SLC9C2: variants seen among roughly 807,000 people sequenced by gnomAD.
The protein encoded by SLC9C2 is sodium/hydrogen exchanger 11.
Under a neutral mutation model 140.2 loss-of-function variants are expected in SLC9C2, and 75 were observed. The observed-to-expected ratio is 0.53, with a 90% CI of 0.44 to 0.65. The LOEUF (loss-of-function observed/expected upper bound fraction) is 0.65. Among genes scored for constraint, SLC9C2 ranks in the 30% least tolerant of loss-of-function variants. The pLI, the probability that SLC9C2 is intolerant of heterozygous loss-of-function variation, is 0.00. For synonymous variants in SLC9C2, 375 were observed against 420.9 expected (o/e 0.89, Z 1.34); for missense variants, 1,074 against 1,331.8 (o/e 0.81, Z 3.01).
At chr1:173,535,701 C>A in intron 15 of SLC9C2, 129 bp downstream of exon 15, 1 of 1,124,620 alleles carries the variant, frequency 8.9e-7, no homozygotes. Flanking sequence ...AAGCAAGCAC[C>A]ACCCAATCAG....
chr1:173,501,034 C>A lies in SLC9C2; in HGVS notation c.*60G>T. Reference sequence around the variant, plus strand: ...GCGAGGAAAGTAGTTTGGTCTTTAACCTGACTCCACACATCATATTTGTAT... The same window carrying A: ...GCGAGGAAAGTAGTTTGGTCTTTAAACTGACTCCACACATCATATTTGTAT... On this transcript the variant is annotated 3_prime_UTR_variant, in exon 28 of 28. Transcript: ENST00000367714. 1 of 1,443,536 alleles carries A rather than the reference C, an allele frequency of 6.9e-7. No individual in the cohort carries two copies. 89.4% of individuals were successfully genotyped at this position (1,443,536 alleles called of 1,614,324 possible).
chr1:173,560,747 G>T (rs1234595677), intron 9 of SLC9C2, among the ~76,000 whole-genome samples: 1 of 152,088 alleles, frequency 6.6e-6, no homozygotes, highest in Non-Finnish European at 1.5e-5. Context: ...AGCTAGCTAT[G>T]AAGCCCCATA....
At chr1:173,567,070 T>G (rs904993981) in intron 9 of SLC9C2, among the ~76,000 whole-genome samples, 2 of 152,124 alleles carry the variant, frequency 1.3e-5, no homozygotes, top group African/African-American at 2.4e-5. Context: ...CTTTTAAGAC[T>G]TGTTTTATGA....
chr1:173,500,891 C>T lies in SLC9C2; in HGVS notation c.*203G>A, dbSNP rs1400829947. On this transcript the variant is annotated 3_prime_UTR_variant, in exon 28 of 28. Coordinates refer to ENST00000367714, the MANE Select transcript of SLC9C2 (RefSeq NM_178527.4). ...TTTTAACATCCCAAATATAATGCAA[C>T]TACTTAAAATTAAGAAGTTTTACAG... 2 of 402,142 alleles carry T rather than the reference C, an allele frequency of 5.0e-6. No individual in the cohort carries two copies. Among genetic ancestry groups the T allele is most frequent in the East Asian group, 9.2e-5 (2 of 21,788 alleles). The allele number at this position is 402,142 out of a possible 1,614,324, so 24.9% of individuals were successfully genotyped here.
intron 4 of SLC9C2, chr1:173,596,814 A>G (rs1311022682): frequency 6.6e-6 from 1 of 152,154 alleles, no homozygotes; most frequent in East Asian, 1.9e-4. Flanking sequence ...TACACATAAA[A>G]TTGATTTAAG....
intron 7 of SLC9C2, among the ~76,000 whole-genome samples, chr1:173,581,635 G>C (rs1016268334): frequency 6.6e-6 from 1 of 152,100 alleles, no homozygotes; most frequent in African/African-American, 2.4e-5. Flanking sequence ...AGTAACCACA[G>C]AGAACAGTGC....
At chr1:173,553,261 T>C (rs1296090114) in intron 11 of SLC9C2, among the ~76,000 whole-genome samples, 1 of 152,260 alleles carries the variant, frequency 6.6e-6, no homozygotes, top group African/African-American at 2.4e-5. Flanking sequence ...CTGGTGAAGA[T>C]GCTGTGAACA....
chr1:173,599,274 G>C (rs992850741), intron 3 of SLC9C2, among the ~76,000 whole-genome samples: 2 of 150,024 alleles, frequency 1.3e-5, no homozygotes, highest in African/African-American at 4.9e-5. Flanking sequence ...ACAGCAAGGA[G>C]GAAGCCAGTG....
intron 8 of SLC9C2, among the ~76,000 whole-genome samples, chr1:173,575,992 T>G (rs1467042333): frequency 6.6e-6 from 1 of 152,212 alleles, no homozygotes; most frequent in Non-Finnish European, 1.5e-5. Flanking sequence ...CATAATTTCA[T>G]AGTAATGCAT....
chr1:173,521,883 TGCA>T (rs1432745622), intron 21 of SLC9C2, among the ~76,000 whole-genome samples: 3 of 54,008 alleles, frequency 5.6e-5, no homozygotes, highest in East Asian at 2.7e-3. Flanking sequence ...CAGGGCGCTA[TGCA>T]AAAAAAAAAA....
intron 9 of SLC9C2, among the ~76,000 whole-genome samples, chr1:173,557,818 T>G (rs1663815269): frequency 6.6e-6 from 1 of 152,186 alleles, no homozygotes; most frequent in Non-Finnish European, 1.5e-5. Flanking sequence ...CTTCTAAGAA[T>G]GCTGACAAGC....
chr1:173,588,730 A>T (rs1665993813), intron 4 of SLC9C2, among the ~76,000 whole-genome samples: 3 of 152,090 alleles, frequency 2.0e-5, no homozygotes, highest in Admixed American at 2.0e-4. Flanking sequence ...TCTTTCTCTT[A>T]ATATTCCTGT....
At chr1:173,512,799 GTTC>G (rs1660145031) in intron 23 of SLC9C2, among the ~76,000 whole-genome samples, 1 of 152,136 alleles carries the variant, frequency 6.6e-6, no homozygotes, top group Non-Finnish European at 1.5e-5. Context: ...GTCATAAATA[GTTC>G]TTATTATTTT....
At chr1:173,512,026 C>T (rs941599006) in intron 23 of SLC9C2, among the ~76,000 whole-genome samples, 1 of 152,098 alleles carries the variant, frequency 6.6e-6, no homozygotes, top group Non-Finnish European at 1.5e-5. Flanking sequence ...TGTTTTGGTA[C>T]CAGTACCATG....
At chr1:173,530,111 T>C (rs1466204091) in intron 17 of SLC9C2, 57 bp from the exon 18 acceptor site, 7 of 1,472,314 alleles carry the variant, frequency 4.8e-6, no homozygotes, top group Non-Finnish European at 6.4e-6. Context: ...AAAAGCACCC[T>C]CTGAGGCAGA....
At chr1:173,602,360 A>G (rs1259574490) in intron 1 of SLC9C2, among the ~76,000 whole-genome samples, 1 of 152,142 alleles carries the variant, frequency 6.6e-6, no homozygotes, top group Non-Finnish European at 1.5e-5. Flanking sequence ...TTCTCTCAGC[A>G]CCCTTCCAAT....
chr1:173,520,539 G>T (rs1660733319), intron 22 of SLC9C2, among the ~76,000 whole-genome samples: 1 of 152,128 alleles, frequency 6.6e-6, no homozygotes, highest in South Asian at 2.1e-4. Context: ...TCAATCCCAT[G>T]CCTAGAATTA....
chr1:173,589,137 T>G (rs1283737549), intron 4 of SLC9C2, among the ~76,000 whole-genome samples: 2 of 152,236 alleles, frequency 1.3e-5, no homozygotes, highest in East Asian at 3.8e-4. Flanking sequence ...AGACATAAGA[T>G]TGGAGTTATC....
chr1:173,582,388 T>C lies in SLC9C2; in HGVS notation c.641-380A>G, dbSNP rs549243857. Reference sequence around the variant, plus strand: ...CCAAGCTAACTAGGCCCAGGGTCACTGCTAACCTGCAGTTAGTTTATGACC... The same window carrying C: ...CCAAGCTAACTAGGCCCAGGGTCACCGCTAACCTGCAGTTAGTTTATGACC... On this transcript the variant is annotated intron_variant, in intron 6 of 27. Transcript: ENST00000367714. Among the ~76,000 whole-genome samples, 9 of 152,318 alleles carry C rather than the reference T, an allele frequency of 5.9e-5. No homozygotes were observed. The East Asian group carries it at 1.7e-3, about 29-fold the overall frequency.
Sources: allele counts gnomAD v4.1 joint callset (sites outside exome capture counted in the v4.1 genomes callset), GRCh38; gene constraint gnomAD v4.1.1; transcripts MANE v1.5; gene names NCBI Gene and HGNC (gene_info 2026-07-23, HGNC 2026-07-21).